Variants in RNF13 observed in about 807,000 individuals in gnomAD.
The protein encoded by RNF13 is ring finger protein 13.
A neutral mutation model predicts 37.7 loss-of-function variants in RNF13; 19 were observed. The observed-to-expected ratio is 0.50, with a 90% confidence interval of 0.35 to 0.74. The LOEUF (loss-of-function observed/expected upper bound fraction) is 0.74, where lower values mean the gene tolerates loss of function less well. RNF13 is among the 30% of genes least tolerant of loss of function. RNF13 has a pLI of 0.01. For synonymous variants in RNF13, 144 were observed against 157.8 expected, an observed-to-expected ratio of 0.91 and a Z score of 0.65; for missense variants, 375 against 453.0, an observed-to-expected ratio of 0.83 and a Z score of 1.56.
At chr3:149,831,947 C>T (rs952053912) in intron 1 of RNF13, among the ~76,000 whole-genome samples, 5 of 151,872 alleles carry the variant, frequency 3.3e-5, no homozygotes, top group African/African-American at 1.2e-4. Flanking sequence ...ACATATGTGA[C>T]CATAATCACA....
At chr3:149,940,913 C>CA (rs1720190486) in intron 8 of RNF13, among the ~76,000 whole-genome samples, 3 of 152,126 alleles carry the variant, frequency 2.0e-5, no homozygotes, top group Non-Finnish European at 4.4e-5. Context: ...AATTTGACTA[C>CA]TTTAGATACT....
At chr3:149,847,118 A>C (rs528574592) in intron 2 of RNF13, among the ~76,000 whole-genome samples, 48 of 152,320 alleles carry the variant, frequency 3.2e-4, no homozygotes, top group African/African-American at 1.1e-3. Context: ...TTATGATGAG[A>C]TTATGTTCCA....
chr3:149,942,284 T>G lies in RNF13; in HGVS notation c.701-17772T>G, dbSNP rs972110075. Among the ~76,000 whole-genome samples the G allele has an allele frequency of 7.2e-5, 11 of 152,298 alleles. No homozygotes were observed. In the East Asian group the frequency reaches 1.9e-3, roughly 27 times the overall value. Reference sequence around the variant, plus strand: ...ATTACATTGAATCTGTAGATCACTGTGGGTAGCATGGACAGTTTGACAATG... The same window carrying G: ...ATTACATTGAATCTGTAGATCACTGGGGGTAGCATGGACAGTTTGACAATG... On this transcript the variant is annotated intron_variant, in intron 8 of 9. Transcript: ENST00000392894.
rs1172494023 is a variant in RNF13, at chr3:149,960,753, G to A, written c.795G>A (p.Lys265=). The part of the protein sequence containing the change: ...ILPCSHAYHC[K]CVDPWLTKTK... Reference sequence around the variant, plus strand: ...TTGCTTCAACAGCTTATCACTGCAAGTGTGTAGACCCTTGGCTAACTAAAA... The same window carrying A: ...TTGCTTCAACAGCTTATCACTGCAAATGTGTAGACCCTTGGCTAACTAAAA... Residue 265 remains lysine, a synonymous_variant, in exon 10 of 10, where the codon AAG becomes AAA. Coordinates refer to ENST00000392894, the MANE Select transcript of RNF13 (RefSeq NM_183381.3). 7 of 1,607,552 alleles carry A rather than the reference G, an allele frequency of 4.4e-6. No individual in the cohort carries two copies. The highest frequency in any genetic ancestry group is 5.1e-6 in the Non-Finnish European group (6 of 1,177,770).
chr3:149,820,571 C>G (rs903432908), intron 1 of RNF13, among the ~76,000 whole-genome samples: 1 of 152,134 alleles, frequency 6.6e-6, no homozygotes, highest in Non-Finnish European at 1.5e-5. Flanking sequence ...ACTCTTTTGA[C>G]CCTCAAAGAG....
At chr3:149,919,819 G>T (rs7641638) in intron 7 of RNF13, among the ~76,000 whole-genome samples, 2,397 of 152,286 alleles carry the variant, frequency 0.016, 61 homozygotes, top group African/African-American at 0.055. Flanking sequence ...AAATTGCCAA[G>T]CTCTTTTCCA....
intron 8 of RNF13, among the ~76,000 whole-genome samples, chr3:149,933,600 T>A (rs1376544108): frequency 1.0e-3 from 156 of 150,884 alleles, no homozygotes; most frequent in African/African-American, 2.5e-3. Flanking sequence ...TTTTTTTTTT[T>A]TGAGATGGAG....
intron 1 of RNF13, among the ~76,000 whole-genome samples, chr3:149,826,445 C>T (rs1012820391): frequency 6.6e-6 from 1 of 152,160 alleles, no homozygotes; most frequent in Non-Finnish European, 1.5e-5. Context: ...TATTTTACTT[C>T]AAATCATTTC....
intron 3 of RNF13, among the ~76,000 whole-genome samples, chr3:149,868,352 A>T (rs1711580414): frequency 6.6e-6 from 1 of 151,576 alleles, no homozygotes; most frequent in Non-Finnish European, 1.5e-5. Context: ...TTATTCTTTC[A>T]GATTAAATAA....
At chr3:149,861,682 C>G (rs1055992185) in intron 3 of RNF13, among the ~76,000 whole-genome samples, 1 of 152,028 alleles carries the variant, frequency 6.6e-6, no homozygotes, top group African/African-American at 2.4e-5. Context: ...TACAAACATG[C>G]AGTTAGATAG....
chr3:149,894,244 A>G (rs1026940113), intron 4 of RNF13, among the ~76,000 whole-genome samples: 1 of 152,158 alleles, frequency 6.6e-6, no homozygotes, highest in Admixed American at 6.5e-5. Context: ...TTGGTGGGAT[A>G]GTTTTAGAGA....
chr3:149,856,560 C>T (rs1010730122), intron 3 of RNF13, among the ~76,000 whole-genome samples: 1 of 151,530 alleles, frequency 6.6e-6, no homozygotes, highest in Admixed American at 6.6e-5. Context: ...CCTCCCACCT[C>T]AGGCTCCTGT....
chr3:149,848,153 C>T (rs917042191), intron 2 of RNF13, among the ~76,000 whole-genome samples: 1 of 152,032 alleles, frequency 6.6e-6, no homozygotes, highest in Admixed American at 6.6e-5. Context: ...CATTCAGCCC[C>T]TTGAGAAGAT....
chr3:149,817,724 A>C (rs1244729201), intron 1 of RNF13, among the ~76,000 whole-genome samples: 1 of 152,216 alleles, frequency 6.6e-6, no homozygotes, highest in Non-Finnish European at 1.5e-5. Flanking sequence ...TGTTGATGAC[A>C]ATACCAATTC....
chr3:149,916,973 C>G (rs555655732), intron 7 of RNF13, among the ~76,000 whole-genome samples: 1 of 152,142 alleles, frequency 6.6e-6, no homozygotes, highest in South Asian at 2.1e-4. Flanking sequence ...AAGGAAAATT[C>G]TTACTTTCAT....
intron 8 of RNF13, chr3:149,939,482 C>T: frequency 1.8e-6 from 1 of 571,358 alleles, no homozygotes; most frequent in Non-Finnish European, 3.4e-6. Context: ...TGCACTGGCT[C>T]TGAAGCACAC....
At chr3:149,919,030 T>C (rs1164022146) in intron 7 of RNF13, among the ~76,000 whole-genome samples, 1 of 152,216 alleles carries the variant, frequency 6.6e-6, no homozygotes, top group African/African-American at 2.4e-5. Context: ...CTTTTTATTC[T>C]GTATTTTCTT....
At chr3:149,913,127 G>A (rs1463670992) in intron 7 of RNF13, among the ~76,000 whole-genome samples, 1 of 151,914 alleles carries the variant, frequency 6.6e-6, no homozygotes, top group Non-Finnish European at 1.5e-5. Flanking sequence ...TCTTTAAAAT[G>A]TTCAGTCTTC....
chr3:149,845,117 T>G (rs1431715387), intron 1 of RNF13, among the ~76,000 whole-genome samples: 1 of 152,212 alleles, frequency 6.6e-6, no homozygotes, highest in Non-Finnish European at 1.5e-5. Flanking sequence ...GTATTTTACT[T>G]CCAGTGTGTG....
Sources: gnomAD v4.1 joint callset for allele counts (sites outside exome capture counted in the v4.1 genomes callset) on GRCh38, gnomAD v4.1.1 for gene constraint, MANE v1.5 for transcripts, NCBI Gene and HGNC (gene_info 2026-07-23, HGNC 2026-07-21) for gene names.